Variants in GLI3 observed in about 807,000 individuals in gnomAD.
The protein encoded by GLI3 is GLI family zinc finger 3, also known as transcription activator GLI3.
GLI3 carries 20 observed loss-of-function variants against 100.8 expected under a neutral mutation model. The observed-to-expected ratio is 0.20, with a 90% CI of 0.14 to 0.29. The LOEUF is 0.29. Among genes scored for constraint, GLI3 ranks in the 10% least tolerant of loss-of-function variants. GLI3 has a pLI of 1.00. For missense variants in GLI3, 2,040 were observed against 2,128.5 expected (o/e 0.96, Z 0.82); for synonymous variants, 938 against 860.5 (o/e 1.09, Z -1.58).
chr7:41,987,797 C>G lies in GLI3; in HGVS notation c.1498-9049G>C, dbSNP rs193238318. Reference sequence around the variant, plus strand: ...CGCACTGTTAATTCAGAATCTCTATCTTTTCAGTTTTGCTGTTACCTTGGA... The same window carrying G: ...CGCACTGTTAATTCAGAATCTCTATGTTTTCAGTTTTGCTGTTACCTTGGA... On this transcript the variant is annotated intron_variant, in intron 10 of 14. Coordinates refer to ENST00000395925, the MANE Select transcript of GLI3 (RefSeq NM_000168.6). Among the ~76,000 whole-genome samples the G allele has an allele frequency of 3.2e-4, 49 of 152,284 alleles. 1 individual carries two copies. Among genetic ancestry groups the G allele is most frequent in the African/African-American group, 1.0e-3 (43 of 41,558 alleles).
At chr7:41,981,173 C>T (rs773439273) in intron 10 of GLI3, among the ~76,000 whole-genome samples, 7 of 152,132 alleles carry the variant, frequency 4.6e-5, no homozygotes, top group Admixed American at 2.0e-4. Flanking sequence ...TGAGGAACAG[C>T]GTGAGGGCCA....
rs766399192 is a variant in GLI3, at chr7:41,964,908, A to G, written c.4165T>C (p.Phe1389Leu). 3 of 1,613,768 alleles carry G rather than the reference A, an allele frequency of 1.9e-6. No homozygotes were observed. The highest frequency in any genetic ancestry group is 2.5e-6 in the Non-Finnish European group (3 of 1,180,034). Residue 1389 changes from phenylalanine to leucine, a missense_variant, in exon 15 of 15, where the codon TTT becomes CTT. By Grantham distance (22) the Phe-to-Leu change is conservative. This residue lies in a region of GLI3 where 1,041 missense variants were observed against 924.0 expected (regional missense o/e 1.13). Coordinates refer to ENST00000395925, the MANE Select transcript of GLI3 (RefSeq NM_000168.6). Reference sequence around the variant, plus strand: ...ATAGCCTGGCGCCTGCTGCCCCCAAAGCTGGCACATGGCTGGTAGCCCCTG... The same window carrying G: ...ATAGCCTGGCGCCTGCTGCCCCCAAGGCTGGCACATGGCTGGTAGCCCCTG... ...VVRGYQPCASFGGSRRQAMPR... is the reference protein window; with the variant it reads ...VVRGYQPCASLGGSRRQAMPR...
chr7:42,029,573 G>A (rs1466880636), intron 7 of GLI3, among the ~76,000 whole-genome samples: 1 of 152,126 alleles, frequency 6.6e-6, no homozygotes, highest in African/African-American at 2.4e-5. Flanking sequence ...TTTAAATCAA[G>A]GTGGGGAGGG....
intron 7 of GLI3, among the ~76,000 whole-genome samples, chr7:42,037,561 G>C (rs1784040196): frequency 6.6e-6 from 1 of 152,150 alleles, no homozygotes; most frequent in South Asian, 2.1e-4. Flanking sequence ...TGTAAGAATA[G>C]ACATATAGTC....
At chr7:42,180,965 C>A (rs925759482) in intron 2 of GLI3, among the ~76,000 whole-genome samples, 3 of 152,138 alleles carry the variant, frequency 2.0e-5, no homozygotes, top group African/African-American at 7.2e-5. Context: ...TGGGGGCTGG[C>A]AAAGCTTTTT....
chr7:42,060,825 G>C (rs1784552960), intron 4 of GLI3, among the ~76,000 whole-genome samples: 1 of 152,154 alleles, frequency 6.6e-6, no homozygotes, highest in African/African-American at 2.4e-5. Flanking sequence ...ACATTTGTTT[G>C]TATAGGTGTT....
chr7:42,038,380 T>C (rs907154056), intron 7 of GLI3, among the ~76,000 whole-genome samples: 1 of 152,208 alleles, frequency 6.6e-6, no homozygotes, highest in African/African-American at 2.4e-5. Flanking sequence ...CCATTGCAGA[T>C]CCACACCAGC....
At chr7:41,968,547 A>G (rs1278699018) in intron 13 of GLI3, among the ~76,000 whole-genome samples, 2 of 152,046 alleles carry the variant, frequency 1.3e-5, no homozygotes, top group East Asian at 3.9e-4. Flanking sequence ...TGGTTAGCCA[A>G]GCTCTTTGTA....
intron 4 of GLI3, among the ~76,000 whole-genome samples, chr7:42,052,615 G>A (rs939299231): frequency 6.6e-6 from 1 of 152,090 alleles, no homozygotes; most frequent in Admixed American, 6.5e-5. Flanking sequence ...GTGCCTAAGT[G>A]CTGTGGTTGT....
intron 2 of GLI3, among the ~76,000 whole-genome samples, chr7:42,188,904 A>G (rs758086130): frequency 3.3e-5 from 5 of 152,220 alleles, no homozygotes; most frequent in Non-Finnish European, 5.9e-5. Flanking sequence ...GTATAATACT[A>G]TAATGGCAGA....
rs752529841 is a variant in GLI3, at chr7:41,967,836, G to C, written c.2191C>G (p.Pro731Ala). 5 of 1,614,140 alleles carry C rather than the reference G, an allele frequency of 3.1e-6. No homozygotes were observed. In the African/African-American group the frequency reaches 6.7e-5, roughly 22 times the overall value. The change falls in exon 14 of 15, where the codon CCT becomes GCT. Residue 731 changes from proline to alanine, a missense_variant. Physicochemically the swap from Pro to Ala is conservative, Grantham distance 27 (BLOSUM62 -1). Transcript: ENST00000395925. Reference protein sequence around the residue: ...SNYSNSGLELPLTDGGSIGDL... With the variant: ...SNYSNSGLELALTDGGSIGDL... ...CCTATACTACCTCCATCGGTCAGAG[G>C]AAGCTCGAGCCCACTGTTGGAATAG... is the stretch of plus-strand genomic sequence containing the variant.
intron 5 of GLI3, among the ~76,000 whole-genome samples, chr7:42,046,839 T>A (rs1391872277): frequency 1.3e-5 from 2 of 152,144 alleles, no homozygotes; most frequent in African/African-American, 4.8e-5. Context: ...AAAATCTAAT[T>A]CATATTTGAT....
At chr7:42,003,690 T>C (rs774680260) in intron 10 of GLI3, among the ~76,000 whole-genome samples, 2 of 152,200 alleles carry the variant, frequency 1.3e-5, no homozygotes, top group Admixed American at 1.3e-4. Flanking sequence ...AAAATCATTA[T>C]TAAAGGATTT....
chr7:41,967,022 T>C (rs1787204907), intron 14 of GLI3, among the ~76,000 whole-genome samples: 1 of 152,144 alleles, frequency 6.6e-6, no homozygotes, highest in East Asian at 1.9e-4. Context: ...AACGCTTGAG[T>C]TCCAGGCAAG....
At chr7:42,109,712 A>C (rs1125413) in intron 3 of GLI3, among the ~76,000 whole-genome samples, 41,885 of 152,056 alleles carry the variant, frequency 0.28, 6,042 homozygotes, top group Middle Eastern at 0.38. Context: ...TGAAGAATCA[A>C]CAAATAAGAT....
Position 42,077,996 on chromosome 7 carries a change from C to T in GLI3, c.368-1139G>A, listed in dbSNP as rs541604936. On this transcript the variant is annotated intron_variant, in intron 3 of 14. Transcript: ENST00000395925. ...ACACTGCTGAGGATTGGTGTGTACACCCACAAGCCTCAGAATGGCTTCCAG... is the reference window on the plus strand; with the variant it reads ...ACACTGCTGAGGATTGGTGTGTACATCCACAAGCCTCAGAATGGCTTCCAG... Among the ~76,000 whole-genome samples, 339 of 152,310 alleles carry T rather than the reference C, an allele frequency of 2.2e-3. 1 individual carries two copies. The highest frequency in any genetic ancestry group is 3.4e-3 in the Non-Finnish European group (234 of 68,024).
At chr7:42,219,836 G>A (rs1043929665) in intron 2 of GLI3, among the ~76,000 whole-genome samples, 3 of 150,524 alleles carry the variant, frequency 2.0e-5, no homozygotes, top group Non-Finnish European at 4.4e-5. Flanking sequence ...CATTCATTTG[G>A]TTTTTGAAAC....
chr7:42,178,254 T>C (rs117506174), intron 2 of GLI3, among the ~76,000 whole-genome samples: 9 of 152,268 alleles, frequency 5.9e-5, no homozygotes, highest in Non-Finnish European at 1.2e-4. Context: ...GCCAACAAAG[T>C]TGTGTATCAT....
chr7:42,010,946 T>C (rs1788596520), intron 10 of GLI3, among the ~76,000 whole-genome samples: 1 of 152,198 alleles, frequency 6.6e-6, no homozygotes, highest in African/African-American at 2.4e-5. Flanking sequence ...ACAAACCAGC[T>C]ACTAAAAGAG....
Sources: gnomAD v4.1 joint callset for allele counts (sites outside exome capture counted in the v4.1 genomes callset) on GRCh38, gnomAD v4.1.1 for gene constraint, gnomAD v4.1.1 regional missense constraint, MANE v1.5 for transcripts, NCBI Gene and HGNC (gene_info 2026-07-23, HGNC 2026-07-21) for gene names.